Variants in RANBP9 observed in about 807,000 individuals in gnomAD.
RANBP9 encodes the protein ran-binding protein 9.
RANBP9 carries 15 observed loss-of-function variants against 84.3 expected under a neutral mutation model. That is an observed-to-expected ratio of 0.18 (90% CI 0.12 to 0.27). RANBP9 has a LOEUF of 0.27. Among genes scored for constraint, RANBP9 ranks in the 10% least tolerant of loss-of-function variants. The probability of loss-of-function intolerance (pLI) is 1.00; values close to 1 mark genes in which losing one functional copy is unlikely to be tolerated. For synonymous variants in RANBP9, 392 were observed against 349.6 expected, an observed-to-expected ratio of 1.12 and a Z score of -1.35; for missense variants, 809 against 912.8, an observed-to-expected ratio of 0.89 and a Z score of 1.46.
intron 2 of RANBP9, among the ~76,000 whole-genome samples, chr6:13,668,333 T>C (rs969918070): frequency 2.6e-4 from 40 of 151,994 alleles, no homozygotes; most frequent in African/African-American, 9.2e-4. Flanking sequence ...TTTCCCAGAC[T>C]CTTCCAAAAA....
At chr6:13,708,033 C>T (rs1758173562) in intron 1 of RANBP9, among the ~76,000 whole-genome samples, 1 of 152,220 alleles carries the variant, frequency 6.6e-6, no homozygotes, top group Non-Finnish European at 1.5e-5. Flanking sequence ...ACCTTATCTG[C>T]ATGTCTAGTA....
intron 2 of RANBP9, among the ~76,000 whole-genome samples, chr6:13,667,800 T>C (rs1765686121): frequency 6.6e-6 from 1 of 152,178 alleles, no homozygotes; most frequent in South Asian, 2.1e-4. Flanking sequence ...GTACATTCTA[T>C]GATATTCCTA....
At position 13,711,754 on chromosome 6, in the gene RANBP9, C is replaced by G. The variant is rs1397972366; in HGVS notation, c.-249G>C. ...GCGGGCGCGCGGCCCGGGGACGAGG[C>G]GCCGAGGGCGGGGGCGACGCGGGAG... On this transcript the variant is annotated 5_prime_UTR_variant, in exon 1 of 14. Transcript: ENST00000011619. Among the ~76,000 whole-genome samples the G allele has an allele frequency of 6.8e-6, 1 of 146,276 alleles. No individual in the cohort carries two copies. Among genetic ancestry groups the G allele is most frequent in the Non-Finnish European group, 1.5e-5 (1 of 65,962 alleles).
At chr6:13,686,791 C>T (rs1190112518) in intron 2 of RANBP9, among the ~76,000 whole-genome samples, 2 of 152,212 alleles carry the variant, frequency 1.3e-5, no homozygotes, top group Non-Finnish European at 2.9e-5. Context: ...ACTAAGTCCA[C>T]TGGCACATTA....
At chr6:13,649,908 C>G (rs1765258060) in intron 5 of RANBP9, among the ~76,000 whole-genome samples, 1 of 152,140 alleles carries the variant, frequency 6.6e-6, no homozygotes, top group Non-Finnish European at 1.5e-5. Context: ...GTACAATTGT[C>G]AATTCTCAGA....
chr6:13,701,942 G>C (rs972129212), intron 1 of RANBP9, among the ~76,000 whole-genome samples: 1 of 152,114 alleles, frequency 6.6e-6, no homozygotes, highest in African/African-American at 2.4e-5. Context: ...TCTGGACTCT[G>C]GAACCAGTTT....
chr6:13,692,818 A>C (rs894758210), intron 2 of RANBP9, among the ~76,000 whole-genome samples: 1 of 152,222 alleles, frequency 6.6e-6, no homozygotes, highest in African/African-American at 2.4e-5. Context: ...GTGCCACTGC[A>C]CTCCAGCCTG....
At chr6:13,660,752 G>A (rs1765523062) in intron 2 of RANBP9, among the ~76,000 whole-genome samples, 2 of 152,158 alleles carry the variant, frequency 1.3e-5, no homozygotes, top group Non-Finnish European at 2.9e-5. Context: ...ACTACTATGA[G>A]CATATGCCAA....
At chr6:13,641,491 T>C (rs1055479189) in intron 7 of RANBP9, among the ~76,000 whole-genome samples, 184 bp from the exon 8 acceptor site, 1 of 151,158 alleles carries the variant, frequency 6.6e-6, no homozygotes, top group Non-Finnish European at 1.5e-5. Flanking sequence ...TACTAGAAAA[T>C]TAGAAAAACA....
chr6:13,657,701 T>G (rs1765433967), intron 3 of RANBP9, among the ~76,000 whole-genome samples: 1 of 152,190 alleles, frequency 6.6e-6, no homozygotes, highest in South Asian at 2.1e-4. Context: ...GATCCAAATA[T>G]AAAAGCCAAA....
intron 2 of RANBP9, among the ~76,000 whole-genome samples, chr6:13,680,843 C>T (rs976401557): frequency 4.0e-5 from 6 of 151,638 alleles, no homozygotes; most frequent in African/African-American, 1.4e-4. Context: ...ATAATGGTCA[C>T]AAGCAAATAG....
At chr6:13,636,240 A>C (rs555129865) in intron 10 of RANBP9, among the ~76,000 whole-genome samples, 1 of 152,300 alleles carries the variant, frequency 6.6e-6, no homozygotes, top group African/African-American at 2.4e-5. Flanking sequence ...CTAGCTACTA[A>C]TAATTGACCT....
rs772232506 is a variant in RANBP9 at position 13,634,491 on chromosome 6, C to A, written c.1735G>T (p.Gly579Cys). ...TGTTTAGAGCTACCATTTAGGAAAC[C>A]ATTGGATGAAGTTTCTCCAACTCCA... ...SNGVGETSSN[G>C]FLNGSSKHDH... The change falls in exon 11 of 14, where the codon GGT becomes TGT. Residue 579 changes from glycine (G) to cysteine (C), a missense_variant. Around this residue, in one of 5 missense-constraint regions of RANBP9, gnomAD observed 233 missense variants for 234.4 expected, o/e 0.99. Transcript: ENST00000011619. The A allele has an allele frequency of 6.2e-7, 1 of 1,613,374 alleles. No homozygotes were observed. Among genetic ancestry groups the A allele is most frequent in the African/African-American group, 1.3e-5 (1 of 74,878 alleles).
chr6:13,649,016 T>C (rs1225910017), intron 5 of RANBP9, among the ~76,000 whole-genome samples: 1 of 152,214 alleles, frequency 6.6e-6, no homozygotes, highest in Non-Finnish European at 1.5e-5. Flanking sequence ...TATAAACACT[T>C]ATATTCCATA....
chr6:13,689,288 G>C (rs1430062977), intron 2 of RANBP9, among the ~76,000 whole-genome samples: 2 of 121,306 alleles, frequency 1.6e-5, no homozygotes, highest in Non-Finnish European at 3.5e-5. Flanking sequence ...TTTTTTTTTT[G>C]AGAGATGAAG....
At chr6:13,706,188 C>G (rs143681723) in intron 1 of RANBP9, among the ~76,000 whole-genome samples, 1 of 151,690 alleles carries the variant, frequency 6.6e-6, no homozygotes, top group African/African-American at 2.4e-5. Context: ...ACTAAAAATA[C>G]AAAAAATTAG....
At chr6:13,676,597 A>G (rs371656485) in intron 2 of RANBP9, among the ~76,000 whole-genome samples, 2 of 152,142 alleles carry the variant, frequency 1.3e-5, no homozygotes, top group East Asian at 3.8e-4. Context: ...TACAAGAACT[A>G]TACCTCCTTG....
chr6:13,629,090 C>T (rs1173388988), intron 12 of RANBP9, among the ~76,000 whole-genome samples: 2 of 151,220 alleles, frequency 1.3e-5, no homozygotes, highest in Admixed American at 6.7e-5. Context: ...TAAACCTATA[C>T]AGCAACAATA....
At position 13,622,424 on chromosome 6, in the gene RANBP9, G is replaced by A; in HGVS notation, c.2128C>T (p.Leu710=). 5 of 1,607,952 alleles carry A rather than the reference G, an allele frequency of 3.1e-6. No individual in the cohort carries two copies. Among genetic ancestry groups the A allele is most frequent in the Non-Finnish European group, 4.2e-6 (5 of 1,176,948 alleles). ...GATCCAATTCCTGATCGAGCCATCA[G>A]TCCTAGACATTGTGTGGCCTGTCCC... ...AMGQATQCLG[L]MARSGIGSCA... is the part of the protein sequence containing the mutation. Residue 710 remains leucine (L), a synonymous_variant, in exon 14 of 14, where the codon CTG becomes TTG. Coordinates refer to ENST00000011619, the MANE Select transcript of RANBP9 (RefSeq NM_005493.3).
Sources: allele counts gnomAD v4.1 joint callset (sites outside exome capture counted in the v4.1 genomes callset), GRCh38; gene constraint gnomAD v4.1.1; regional missense constraint gnomAD v4.1.1; transcripts MANE v1.5; gene names NCBI Gene and HGNC (gene_info 2026-07-23, HGNC 2026-07-21).